PTPRG: variants seen among roughly 807,000 people sequenced by gnomAD.
PTPRG encodes the protein protein tyrosine phosphatase receptor type G.
PTPRG carries 102 observed loss-of-function variants against 165.3 expected under a neutral mutation model. That is an observed-to-expected ratio of 0.62 (90% CI 0.53 to 0.73). The LOEUF (loss-of-function observed/expected upper bound fraction) is 0.73, where lower values mean the gene tolerates loss of function less well. PTPRG is among the 30% of genes least tolerant of loss of function. PTPRG has a pLI of 0.00. For missense variants in PTPRG, 1,866 were observed against 1,861.4 expected (o/e 1.00, Z -0.05); for synonymous variants, 675 against 669.5 (o/e 1.01, Z -0.13).
intron 4 of PTPRG, among the ~76,000 whole-genome samples, chr3:62,054,872 A>C (rs9817678): frequency 0.12 from 19,001 of 152,236 alleles, 1,605 homozygotes; most frequent in African/African-American, 0.24. Flanking sequence ...TTCATGGACG[A>C]GGTATAAAGA....
chr3:62,109,319 T>C (rs1354559820), intron 5 of PTPRG, among the ~76,000 whole-genome samples: 1 of 152,150 alleles, frequency 6.6e-6, no homozygotes, highest in African/African-American at 2.4e-5. Context: ...CCCCATTGCT[T>C]GTGTGTGTCA....
intron 28 of PTPRG, among the ~76,000 whole-genome samples, chr3:62,285,898 C>T (rs1702637968): frequency 6.6e-6 from 1 of 152,162 alleles, no homozygotes; most frequent in African/African-American, 2.4e-5. Flanking sequence ...ATACATGTAT[C>T]ACCCTACTGG....
In PTPRG at chr3:62,147,211, A is replaced by G. The variant is rs553576377; in HGVS notation, c.683-9856A>G. Among the ~76,000 whole-genome samples the G allele has an allele frequency of 7.2e-5, 11 of 152,288 alleles. No individual in the cohort carries two copies. The Middle Eastern group carries it at 0.027, about 377-fold the overall frequency. ...TTCTGAACCGTAAGTGTGAACTGGG[A>G]AAAGGAGGCAAACTGAAGCAAATCC... On this transcript the variant is annotated intron_variant, in intron 6 of 29. Coordinates refer to ENST00000474889, the MANE Select transcript of PTPRG (RefSeq NM_002841.4).
chr3:61,572,547 G>C (rs1166955410), intron 1 of PTPRG, among the ~76,000 whole-genome samples: 1 of 152,120 alleles, frequency 6.6e-6, no homozygotes, highest in African/African-American at 2.4e-5. Context: ...TAAAAATTAA[G>C]AATGCATTAA....
At chr3:62,062,769 T>G (rs563175154) in intron 4 of PTPRG, among the ~76,000 whole-genome samples, 1 of 152,250 alleles carries the variant, frequency 6.6e-6, no homozygotes, top group South Asian at 2.1e-4. Flanking sequence ...CTCAAGTGAT[T>G]GCTCTACTTC....
chr3:61,659,854 G>C (rs1039155393), intron 1 of PTPRG, among the ~76,000 whole-genome samples: 1 of 151,984 alleles, frequency 6.6e-6, no homozygotes, highest in Non-Finnish European at 1.5e-5. Context: ...GAAATGAATG[G>C]TTTTTTTTAA....
At chr3:61,835,753 C>T (rs958532014) in intron 2 of PTPRG, among the ~76,000 whole-genome samples, 5 of 151,320 alleles carry the variant, frequency 3.3e-5, no homozygotes, top group African/African-American at 7.3e-5. Flanking sequence ...AATATACACA[C>T]GTGGGCCGGG....
chr3:61,989,079 G>T (rs2040827057), intron 2 of PTPRG, among the ~76,000 whole-genome samples: 1 of 152,072 alleles, frequency 6.6e-6, no homozygotes, highest in South Asian at 2.1e-4. Flanking sequence ...ACAAATGAGG[G>T]CCAAACTGAA....
At chr3:61,882,728 T>C (rs1467040149) in intron 2 of PTPRG, among the ~76,000 whole-genome samples, 1 of 152,202 alleles carries the variant, frequency 6.6e-6, no homozygotes, top group African/African-American at 2.4e-5. Flanking sequence ...CTGTCTGTCT[T>C]TCCCATTGGA....
chr3:61,592,792 A>G (rs1700604602), intron 1 of PTPRG, among the ~76,000 whole-genome samples: 1 of 152,020 alleles, frequency 6.6e-6, no homozygotes, highest in Admixed American at 6.5e-5. Context: ...CCGGTTGAAT[A>G]GCCCTGTTAG....
chr3:61,987,271 G>T (rs1559730378), intron 2 of PTPRG, among the ~76,000 whole-genome samples: 1 of 152,124 alleles, frequency 6.6e-6, no homozygotes, highest in Non-Finnish European at 1.5e-5. Flanking sequence ...ATGTATATTG[G>T]GTGGAAGTGT....
chr3:62,203,916 T>A lies in PTPRG; in HGVS notation c.2121T>A (p.Phe707Leu), dbSNP rs1263394229. 3 of 1,595,460 alleles carry A rather than the reference T, an allele frequency of 1.9e-6. No individual in the cohort carries two copies. The African/African-American group carries it at 4.0e-5, about 21-fold the overall frequency. The change falls in exon 12 of 30, where the codon TTT (phenylalanine) becomes TTA (leucine). Residue 707 changes from phenylalanine to leucine, a missense_variant. This residue lies in a region of PTPRG where 1,452 missense variants were observed against 1,463.0 expected (regional missense o/e 0.99). Coordinates refer to ENST00000474889, the MANE Select transcript of PTPRG (RefSeq NM_002841.4). This position sits in a 1 kb window ranked among gnomAD's most constrained non-coding sequence, Gnocchi z 6.4. ...SKKPMSRGDRFSEDSRFITVN... is the reference protein window; with the variant it reads ...SKKPMSRGDRLSEDSRFITVN... Reference sequence around the variant, plus strand: ...AGCCTATGTCCCGCGGGGACCGATTTTCTGAAGACAGCAGATTTATCACTG... The same window carrying A: ...AGCCTATGTCCCGCGGGGACCGATTATCTGAAGACAGCAGATTTATCACTG...
At chr3:62,098,428 G>A (rs1260336022) in intron 5 of PTPRG, among the ~76,000 whole-genome samples, 1 of 152,174 alleles carries the variant, frequency 6.6e-6, no homozygotes, top group African/African-American at 2.4e-5. Flanking sequence ...AGGGACTTAT[G>A]CATCTGTGGA....
At chr3:61,844,886 AGATAGTAATAGG>A (rs2036763249) in intron 2 of PTPRG, among the ~76,000 whole-genome samples, 1 of 152,218 alleles carries the variant, frequency 6.6e-6, no homozygotes, top group African/African-American at 2.4e-5. Context: ...TTGAATGGTT[AGATAGTAATAGG>A]GATACCTACA....
rs1701135780 is a variant in PTPRG at position 62,240,496 on chromosome 3, A to G, written c.2376-3311A>G. Among the ~76,000 whole-genome samples, 1 of 152,180 alleles carries G rather than the reference A, an allele frequency of 6.6e-6. No individual in the cohort carries two copies. Among genetic ancestry groups the G allele is most frequent in the South Asian group, 2.1e-4 (1 of 4,830 alleles). On this transcript the variant is annotated intron_variant, in intron 14 of 29. Coordinates refer to ENST00000474889, the MANE Select transcript of PTPRG (RefSeq NM_002841.4). This position sits in a 1 kb window ranked among gnomAD's most constrained non-coding sequence, Gnocchi z 5.1. ...CATTCATCATGTAGCAGCCAAAATG[A>G]GCTTTCTGAAAGAAGCAAATCAGAT... is the stretch of plus-strand genomic sequence containing the variant.
chr3:62,243,661 C>G (rs1701216154), intron 14 of PTPRG, 146 bp from the exon 15 acceptor site: 1 of 513,000 alleles, frequency 1.9e-6, no homozygotes, highest in African/African-American at 2.0e-5. Context: ...GAATGTTGTC[C>G]TTGTATCTTG....
intron 1 of PTPRG, among the ~76,000 whole-genome samples, chr3:61,724,091 G>T (rs1028336502): frequency 6.6e-6 from 1 of 151,860 alleles, no homozygotes; most frequent in Non-Finnish European, 1.5e-5. Flanking sequence ...AATTAGCCTG[G>T]GTGTGGCAGT....
intron 4 of PTPRG, among the ~76,000 whole-genome samples, chr3:62,038,372 T>C (rs571325981): frequency 3.9e-5 from 6 of 152,318 alleles, no homozygotes; most frequent in Non-Finnish European, 7.4e-5. Context: ...GCTTATCTAA[T>C]GAATAGTTAT....
rs147628144 is a variant in PTPRG, at chr3:61,601,477, A to G, written c.85+39105A>G. Among the ~76,000 whole-genome samples the G allele has an allele frequency of 2.0e-5, 3 of 152,292 alleles. No individual in the cohort carries two copies. The East Asian group carries it at 5.8e-4, about 29-fold the overall frequency. ...AATTGCAACATTATATCCTTTGGGTAATCTCCAGTATTTATGGGCTCAAAT... is the reference window on the plus strand; with the variant it reads ...AATTGCAACATTATATCCTTTGGGTGATCTCCAGTATTTATGGGCTCAAAT... On this transcript the variant is annotated intron_variant, in intron 1 of 29. Coordinates refer to ENST00000474889, the MANE Select transcript of PTPRG (RefSeq NM_002841.4).
Sources: allele counts gnomAD v4.1 joint callset (sites outside exome capture counted in the v4.1 genomes callset), GRCh38; gene constraint gnomAD v4.1.1; regional missense constraint gnomAD v4.1.1; non-coding constraint Gnocchi (gnomAD v3.1); transcripts MANE v1.5; gene names NCBI Gene and HGNC (gene_info 2026-07-23, HGNC 2026-07-21).